SMARCA1: variants seen among roughly 807,000 people sequenced by gnomAD.
SMARCA1 encodes the protein SWI/SNF-related matrix-associated actin-dependent regulator of chromatin subfamily A member 1.
SMARCA1 carries 17 observed loss-of-function variants against 93.6 expected under a neutral mutation model. The observed-to-expected ratio is 0.18, with a 90% CI of 0.12 to 0.27. The LOEUF (loss-of-function observed/expected upper bound fraction) is 0.27, where lower values mean the gene tolerates loss of function less well. Among genes scored for constraint, SMARCA1 ranks in the 10% least tolerant of loss-of-function variants. The pLI is 1.00. For missense variants in SMARCA1, 630 were observed against 819.0 expected (o/e 0.77, Z 2.82); for synonymous variants, 271 against 271.4 (o/e 1.00, Z 0.01).
At chrX:129,490,032 A>C in intron 15 of SMARCA1, 28 bp downstream of exon 15, 1 of 1,087,628 alleles carries the variant, frequency 9.2e-7, no homozygotes, top group Non-Finnish European at 1.3e-6. Flanking sequence ...TACAAAAAAC[A>C]CCTAATTAAG....
At position 129,493,021 on chromosome X, in the gene SMARCA1, G is replaced by T. The variant is rs1176959089; in HGVS notation, c.1662+19C>A. ...AGCAATTTGGCAATATGCATCAAGA[G>T]CCTTAAAAATGTTCATACCCTTTGA... is the stretch of plus-strand genomic sequence containing the variant. On this transcript the variant is annotated intron_variant, in intron 13 of 24. Transcript: ENST00000371121. 1 of 474,272 alleles carries T rather than the reference G, an allele frequency of 2.1e-6. No individual in the cohort carries two copies. The highest frequency in any genetic ancestry group is 3.7e-5 in the East Asian group (1 of 26,722). The allele number at this position is 474,272 out of a possible 1,213,427, so 39.1% of individuals were successfully genotyped here.
intron 3 of SMARCA1, 98 bp from the exon 4 acceptor site, chrX:129,516,092 G>T (rs1935188604): frequency 2.9e-6 from 2 of 698,215 alleles, no homozygotes; most frequent in Admixed American, 3.2e-5. Context: ...GAAAAAGAAT[G>T]AGTTGTCCAA....
chrX:129,481,579 A>G (rs999129587), intron 17 of SMARCA1, among the ~76,000 whole-genome samples: 1 of 111,879 alleles, frequency 8.9e-6, no homozygotes, highest in Non-Finnish European at 1.9e-5. Context: ...ACACATGAAA[A>G]AATGCTCATC....
chrX:129,464,526 G>A (rs1932861787), intron 23 of SMARCA1, among the ~76,000 whole-genome samples: 1 of 112,281 alleles, frequency 8.9e-6, no homozygotes, highest in Admixed American at 9.4e-5. Context: ...AGTAGGACTA[G>A]AATAGGAACA....
Position 129,490,166 on chromosome X carries a change from C to G in SMARCA1, c.1842G>C (p.Lys614Asn). The change falls in exon 15 of 25, where the codon AAG (lysine) becomes AAC (asparagine). Residue 614 changes from lysine (K) to asparagine (N), a missense_variant. Transcript: ENST00000371121. ...TGAGACGGAATACACGTACTGGTTT[C>G]TTCTGACCAATACGATGTGCTCGAT... Reference protein sequence around the residue: ...AMDRAHRIGQKKPVRVFRLIT... With the variant: ...AMDRAHRIGQNKPVRVFRLIT... The G allele has an allele frequency of 2.5e-6, 3 of 1,191,976 alleles. No individual in the cohort carries two copies. Among genetic ancestry groups the G allele is most frequent in the Non-Finnish European group, 3.4e-6 (3 of 879,147 alleles).
At chrX:129,451,947 C>T (rs1932328403) in intron 23 of SMARCA1, among the ~76,000 whole-genome samples, 1 of 111,742 alleles carries the variant, frequency 8.9e-6, no homozygotes, top group Non-Finnish European at 1.9e-5. Flanking sequence ...TTGTGATCCA[C>T]CCACCTTGGC....
chrX:129,476,546 G>A (rs756389234), intron 19 of SMARCA1, among the ~76,000 whole-genome samples: 17 of 111,581 alleles, frequency 1.5e-4, no homozygotes, highest in Non-Finnish European at 2.4e-4. Flanking sequence ...TAGATAAAAC[G>A]TAACCATGAA....
chrX:129,517,577 C>T (rs1354948151), intron 2 of SMARCA1, among the ~76,000 whole-genome samples: 3 of 110,770 alleles, frequency 2.7e-5, no homozygotes, highest in African/African-American at 9.8e-5. Flanking sequence ...TGCCTACCTA[C>T]ATTAGATGTG....
rs375719641 is a variant in SMARCA1, at chrX:129,465,811, G to A, written c.2817+33C>T. 2.1e-5 allele frequency: 22 copies of A among 1,052,737 alleles called. No homozygotes were observed. In the African/African-American group the frequency reaches 3.0e-4, roughly 15 times the overall value. The allele number at this position is 1,052,737 out of a possible 1,213,427, so 86.8% of individuals were successfully genotyped here. A position where few individuals can be genotyped will look rare whatever the true frequency, so the allele number is the denominator to read the frequency against. ...AGCTGACCACTATTTCAATTAAAACGATCTAATAATAATTTGACATAAAAC... is the reference window on the plus strand; with the variant it reads ...AGCTGACCACTATTTCAATTAAAACAATCTAATAATAATTTGACATAAAAC... On this transcript the variant is annotated intron_variant, in intron 22 of 24. Coordinates refer to ENST00000371121, the MANE Select transcript of SMARCA1 (RefSeq NM_001282874.2).
At chrX:129,449,216 G>A (rs896091527) in intron 23 of SMARCA1, among the ~76,000 whole-genome samples, 3 of 111,423 alleles carry the variant, frequency 2.7e-5, no homozygotes, top group Non-Finnish European at 5.6e-5. Flanking sequence ...AAAAAATAAG[G>A]GGATGTTCTA....
intron 23 of SMARCA1, among the ~76,000 whole-genome samples, chrX:129,457,213 A>T (rs1005928842): frequency 1.3e-4 from 15 of 112,572 alleles, no homozygotes; most frequent in Non-Finnish European, 2.8e-4. Context: ...TAAGCAATAA[A>T]GTATTTTTTA....
At chrX:129,489,183 A>C in intron 15 of SMARCA1, 98 bp from the exon 16 acceptor site, 1 of 508,225 alleles carries the variant, frequency 2.0e-6, no homozygotes, top group South Asian at 4.4e-5. Context: ...ACCACACATA[A>C]AGCTTTAAAG....
At chrX:129,454,949 G>A (rs1932528914) in intron 23 of SMARCA1, among the ~76,000 whole-genome samples, 1 of 111,673 alleles carries the variant, frequency 9.0e-6, no homozygotes, top group African/African-American at 3.3e-5. Flanking sequence ...AAAAAGTCAG[G>A]AAACAACAGA....
At chrX:129,472,390 G>A (rs1293317582) in intron 19 of SMARCA1, among the ~76,000 whole-genome samples, 1 of 110,850 alleles carries the variant, frequency 9.0e-6, no homozygotes, top group Non-Finnish European at 1.9e-5. Context: ...AGGTAGTCAT[G>A]GTTTTACTAC....
chrX:129,453,560 C>A (rs1162590456), intron 23 of SMARCA1, among the ~76,000 whole-genome samples: 1 of 111,975 alleles, frequency 8.9e-6, no homozygotes. Flanking sequence ...CGTCTCAGCC[C>A]AAAATCTCCT....
intron 21 of SMARCA1, among the ~76,000 whole-genome samples, chrX:129,467,555 G>A (rs1370219423): frequency 9.1e-6 from 1 of 110,048 alleles, no homozygotes; most frequent in Admixed American, 9.8e-5. Flanking sequence ...TGGTATGAAG[G>A]AAAAGGAAGT....
chrX:129,518,531 A>C, intron 1 of SMARCA1, 84 bp from the exon 2 acceptor site: 1 of 516,665 alleles, frequency 1.9e-6, no homozygotes, highest in Non-Finnish European at 3.2e-6. Flanking sequence ...AAGAAGGCGG[A>C]AAGTAATTAC....
intron 3 of SMARCA1, 57 bp downstream of exon 3, chrX:129,516,274 A>G (rs755037384): frequency 3.6e-4 from 395 of 1,083,298 alleles, no homozygotes; most frequent in East Asian, 3.0e-3. Flanking sequence ...AAGGGAGGAC[A>G]GGAGGAAGAA....
Position 129,476,928 on chromosome X carries a change from A to T in SMARCA1, c.2442+3773T>A, listed in dbSNP as rs140050899. Among the ~76,000 whole-genome samples, 33 of 112,151 alleles carry T rather than the reference A, an allele frequency of 2.9e-4. 1 individual carries two copies. The East Asian group carries it at 3.9e-3, about 13-fold the overall frequency. On this transcript the variant is annotated intron_variant, in intron 19 of 24. Coordinates refer to ENST00000371121, the MANE Select transcript of SMARCA1 (RefSeq NM_001282874.2). ...CCAATTAAAGAACCCACCTTAGCTC[A>T]GGTCCATAGTTCCTAGTAAAGAATG...
Sources: gnomAD v4.1 joint callset for allele counts (sites outside exome capture counted in the v4.1 genomes callset) on GRCh38, gnomAD v4.1.1 for gene constraint, MANE v1.5 for transcripts, NCBI Gene and HGNC (gene_info 2026-07-23, HGNC 2026-07-21) for gene names.